The following CXCL17 variants were observed in gnomAD, a reference collection of about 807,000 sequenced individuals.
The protein encoded by CXCL17 is C-X-C motif chemokine 17.
A neutral mutation model predicts 15.5 loss-of-function variants in CXCL17; 9 were observed. The ratio of observed to expected loss-of-function variants is 0.58; its 90% confidence interval spans 0.35 to 1.01. The LOEUF (loss-of-function observed/expected upper bound fraction) is 1.01. CXCL17 is among the 50% of genes least tolerant of loss of function. CXCL17 has a pLI of 0.02. For synonymous variants in CXCL17, 52 were observed against 52.3 expected (o/e 0.99, Z 0.02); for missense variants, 133 against 138.2 (o/e 0.96, Z 0.19).
chr19:42,429,368 G>A lies in CXCL17; in HGVS notation c.263-387C>T, dbSNP rs2029918719. Among the ~76,000 whole-genome samples, 3 of 151,362 alleles carry A rather than the reference G, an allele frequency of 2.0e-5. No homozygotes were observed. In the South Asian group the frequency reaches 6.3e-4, roughly 32 times the overall value. ...TTTTGAGATGGAGTCTCGTTCAGTTGCCCAGGCTGGAGTGCAGTGGTGCAA... is the reference window on the plus strand; with the variant it reads ...TTTTGAGATGGAGTCTCGTTCAGTTACCCAGGCTGGAGTGCAGTGGTGCAA... On this transcript the variant is annotated intron_variant, in intron 3 of 3. Coordinates refer to ENST00000601181, the MANE Select transcript of CXCL17 (RefSeq NM_198477.3).
intron 1 of CXCL17, among the ~76,000 whole-genome samples, chr19:42,441,827 C>G (rs1411659065): frequency 6.6e-6 from 1 of 152,164 alleles, no homozygotes; most frequent in East Asian, 1.9e-4. Flanking sequence ...AAAGCTGGAG[C>G]AGATTTGGAA....
intron 1 of CXCL17, among the ~76,000 whole-genome samples, chr19:42,442,089 G>T (rs965865089): frequency 1.3e-5 from 2 of 152,076 alleles, no homozygotes; most frequent in East Asian, 1.9e-4. Flanking sequence ...TTAGCCATGA[G>T]AATTATGTTA....
chr19:42,441,608 T>C (rs1017977535), intron 1 of CXCL17, among the ~76,000 whole-genome samples: 13 of 152,058 alleles, frequency 8.5e-5, no homozygotes, highest in African/African-American at 2.7e-4. Flanking sequence ...TCCAGAGCAC[T>C]CTCTCTACAA....
At chr19:42,434,371 A>G (rs1462573330) in intron 1 of CXCL17, among the ~76,000 whole-genome samples, 1 of 152,154 alleles carries the variant, frequency 6.6e-6, no homozygotes, top group East Asian at 1.9e-4. Context: ...GAGAGCGAGG[A>G]GGAGATTATT....
intron 1 of CXCL17, among the ~76,000 whole-genome samples, chr19:42,438,381 A>AAAAAAAAAAATATATATAT (rs1555793041): frequency 1.6e-5 from 1 of 63,860 alleles, no homozygotes; most frequent in Non-Finnish European, 2.6e-5. Flanking sequence ...AAAAAAAAAA[A>AAAAAAAAAAATATATATAT]ATATATATAT....
rs1345185498 is a variant in CXCL17, at chr19:42,440,552, C to T, written c.79+2202G>A. Reference sequence around the variant, plus strand: ...GGAGCTTTCCCCAGTTCCTCACCCTCGTGCTTTAGGAGCGACTTAGAAACT... The same window carrying T: ...GGAGCTTTCCCCAGTTCCTCACCCTTGTGCTTTAGGAGCGACTTAGAAACT... On this transcript the variant is annotated intron_variant, in intron 1 of 3. Transcript: ENST00000601181. 3.9e-5 allele frequency among the ~76,000 whole-genome samples: 6 copies of T among 152,194 alleles called. No individual in the cohort carries two copies. The East Asian group carries it at 5.8e-4, about 15-fold the overall frequency.
At chr19:42,439,934 G>A (rs1389910934) in intron 1 of CXCL17, among the ~76,000 whole-genome samples, 2 of 152,124 alleles carry the variant, frequency 1.3e-5, no homozygotes, top group Non-Finnish European at 2.9e-5. Context: ...TTGAACATTT[G>A]TAGATTAGTT....
At position 42,428,517 on chromosome 19, in the gene CXCL17, C is replaced by A; in HGVS notation, c.*367G>T. ...CATCTGGTTGTGAATTGGCAGACCC[C>A]ATTTGAAGGAAACAATTTTGATCTG... is the stretch of plus-strand genomic sequence containing the variant. On this transcript the variant is annotated 3_prime_UTR_variant, in exon 4 of 4. Coordinates refer to ENST00000601181, the MANE Select transcript of CXCL17 (RefSeq NM_198477.3). 1 of 179,518 alleles carries A rather than the reference C, an allele frequency of 5.6e-6. No individual in the cohort carries two copies. Among genetic ancestry groups the A allele is most frequent in the Non-Finnish European group, 1.2e-5 (1 of 84,758 alleles). The allele number at this position is 179,518 out of a possible 1,614,324, so 11.1% of individuals were successfully genotyped here.
intron 3 of CXCL17, among the ~76,000 whole-genome samples, chr19:42,432,544 G>A (rs1286185052): frequency 1.3e-5 from 2 of 152,160 alleles, no homozygotes; most frequent in Non-Finnish European, 2.9e-5. Context: ...TGTGGTGGAA[G>A]GATCACTTGA....
In CXCL17 at chr19:42,442,824, A is replaced by T; in HGVS notation, c.9T>A (p.Val3=). 1 of 1,613,452 alleles carries T rather than the reference A, an allele frequency of 6.2e-7. No homozygotes were observed. The highest frequency in any genetic ancestry group is 8.5e-7 in the Non-Finnish European group (1 of 1,179,504). MK[V]LISSLLLLLP... ...GCAACAGGAGGAGGGAAGAGATTAG[A>T]ACTTTCATCGCAACTGTCGGTGCAG... The change falls in exon 1 of 4, where the codon GTT becomes GTA. Residue 3 remains valine (V), a synonymous_variant. Coordinates refer to ENST00000601181, the MANE Select transcript of CXCL17 (RefSeq NM_198477.3).
intron 3 of CXCL17, among the ~76,000 whole-genome samples, chr19:42,431,335 T>C (rs985471386): frequency 6.6e-6 from 1 of 152,202 alleles, no homozygotes; most frequent in African/African-American, 2.4e-5. Flanking sequence ...TACTAATCCT[T>C]TGAAGGTTGT....
intron 1 of CXCL17, among the ~76,000 whole-genome samples, chr19:42,439,682 C>G (rs573664640): frequency 1.1e-4 from 17 of 152,320 alleles, no homozygotes; most frequent in Middle Eastern, 3.4e-3. Context: ...GGATACATCA[C>G]TTCTGAAGTA....
chr19:42,433,283 G>T (rs948762141), intron 2 of CXCL17, among the ~76,000 whole-genome samples: 2 of 152,088 alleles, frequency 1.3e-5, no homozygotes, highest in Non-Finnish European at 2.9e-5. Context: ...GGCAAGGTTT[G>T]GGCAAGGGTT....
At position 42,428,867 on chromosome 19, in the gene CXCL17, G is replaced by A; in HGVS notation, c.*17C>T. Reference sequence around the variant, plus strand: ...TGGCTGAGAATGTTTAATTGGAAGAGTGGGCGCTCAGAGCTCCTACAAAGG... The same window carrying A: ...TGGCTGAGAATGTTTAATTGGAAGAATGGGCGCTCAGAGCTCCTACAAAGG... On this transcript the variant is annotated 3_prime_UTR_variant, in exon 4 of 4. Coordinates refer to ENST00000601181, the MANE Select transcript of CXCL17 (RefSeq NM_198477.3). 6.3e-7 allele frequency: 1 copy of A among 1,588,360 alleles called. No individual in the cohort carries two copies.
intron 2 of CXCL17, 27 bp from the exon 3 acceptor site, chr19:42,433,104 T>C (rs997928240): frequency 6.6e-7 from 1 of 1,517,958 alleles, no homozygotes; most frequent in South Asian, 1.1e-5. Flanking sequence ...GCTGCTTAGA[T>C]GGGAGAGTTA....
rs1250666309 is a variant in CXCL17, at chr19:42,432,960, T to A, written c.262+16A>T. 6.3e-7 allele frequency: 1 copy of A among 1,594,732 alleles called. No individual in the cohort carries two copies. The highest frequency in any genetic ancestry group is 2.2e-5 in the East Asian group (1 of 44,794). On this transcript the variant is annotated intron_variant, in intron 3 of 3. Coordinates refer to ENST00000601181, the MANE Select transcript of CXCL17 (RefSeq NM_198477.3). Reference sequence around the variant, plus strand: ...AGTGACTCTGGTATAAGGAAAATCATCCTTTGGAAACTTACTTGTTTTCTT... The same window carrying A: ...AGTGACTCTGGTATAAGGAAAATCAACCTTTGGAAACTTACTTGTTTTCTT...
chr19:42,433,152 C>A (rs997669774), intron 2 of CXCL17, 75 bp from the exon 3 acceptor site: 2 of 1,047,292 alleles, frequency 1.9e-6, no homozygotes, highest in Non-Finnish European at 2.9e-6. Context: ...GAGCTTTAAT[C>A]GCCATCTTCT....
chr19:42,441,759 T>A (rs1457371099), intron 1 of CXCL17, among the ~76,000 whole-genome samples: 1 of 152,128 alleles, frequency 6.6e-6, no homozygotes, highest in Non-Finnish European at 1.5e-5. Flanking sequence ...GAAATATACA[T>A]GGGGATCAGG....
At position 42,428,320 on chromosome 19, in the gene CXCL17, G is replaced by T. The variant is rs2040737407; in HGVS notation, c.*564C>A. 1 of 150,120 alleles carries T rather than the reference G, an allele frequency of 6.7e-6. No homozygotes were observed. Among genetic ancestry groups the T allele is most frequent in the African/African-American group, 2.5e-5 (1 of 40,392 alleles). The allele number at this position is 150,120 out of a possible 1,614,324, so 9.3% of individuals were successfully genotyped here. A position where few individuals can be genotyped will look rare whatever the true frequency, so the allele number is the denominator to read the frequency against. On this transcript the variant is annotated 3_prime_UTR_variant, in exon 4 of 4. Transcript: ENST00000601181. Reference sequence around the variant, plus strand: ...TATTATCTTTAATAAGACCGTGTCTGGTTCATTGGTATGCTTTTTTTTTTT... The same window carrying T: ...TATTATCTTTAATAAGACCGTGTCTTGTTCATTGGTATGCTTTTTTTTTTT...
Sources: allele counts gnomAD v4.1 joint callset (sites outside exome capture counted in the v4.1 genomes callset), GRCh38; gene constraint gnomAD v4.1.1; transcripts MANE v1.5; gene names NCBI Gene and HGNC (gene_info 2026-07-23, HGNC 2026-07-21).